Variants in SDK1 observed in about 807,000 individuals in gnomAD.
SDK1 encodes the protein sidekick cell adhesion molecule 1, also known as protein sidekick-1.
Under a neutral mutation model 245.5 loss-of-function variants are expected in SDK1, and 157 were observed. The ratio of observed to expected loss-of-function variants is 0.64; its 90% CI spans 0.56 to 0.73. The LOEUF is 0.73. Among genes scored for constraint, SDK1 ranks in the 30% least tolerant of loss-of-function variants. The pLI is 0.00. For synonymous variants in SDK1, 1,647 were observed against 1,278.5 expected (o/e 1.29, Z -6.15); for missense variants, 3,583 against 3,002.3 (o/e 1.19, Z -4.52).
intron 4 of SDK1, among the ~76,000 whole-genome samples, chr7:3,723,075 T>C (rs1006859877): frequency 6.6e-6 from 1 of 152,256 alleles, no homozygotes; most frequent in African/African-American, 2.4e-5. Context: ...TAATGCCAGA[T>C]AGCATATCTG....
intron 17 of SDK1, among the ~76,000 whole-genome samples, chr7:4,022,190 G>A (rs1786947755): frequency 1.3e-5 from 2 of 152,176 alleles, no homozygotes; most frequent in African/African-American, 4.8e-5. Flanking sequence ...TTATTTGTCG[G>A]CATAATTTGG....
chr7:3,341,830 C>G (rs191065818), intron 1 of SDK1, among the ~76,000 whole-genome samples: 1 of 152,190 alleles, frequency 6.6e-6, no homozygotes, highest in African/African-American at 2.4e-5. Flanking sequence ...GAATATTCAA[C>G]ACGGTAAATG....
At chr7:3,899,165 A>G (rs1050155610) in intron 5 of SDK1, among the ~76,000 whole-genome samples, 1 of 152,306 alleles carries the variant, frequency 6.6e-6, no homozygotes, top group Middle Eastern at 3.4e-3. Flanking sequence ...TGGAAAGCAA[A>G]GTTGTTCACC....
intron 4 of SDK1, among the ~76,000 whole-genome samples, chr7:3,715,220 A>G (rs1170063947): frequency 6.6e-6 from 1 of 152,226 alleles, no homozygotes; most frequent in African/African-American, 2.4e-5. Flanking sequence ...GTACAAATGT[A>G]ATTGTAAATT....
chr7:3,600,553 T>G (rs1025686923), intron 1 of SDK1, among the ~76,000 whole-genome samples: 2 of 119,146 alleles, frequency 1.7e-5, no homozygotes, highest in African/African-American at 6.4e-5. Context: ...TAGATGTAGT[T>G]TTTTTTTTTT....
At chr7:3,661,796 TGGCCTCG>T (rs1783367438) in intron 4 of SDK1, among the ~76,000 whole-genome samples, 1 of 152,130 alleles carries the variant, frequency 6.6e-6, no homozygotes, top group African/African-American at 2.4e-5. Flanking sequence ...AATAGTTGTG[TGGCCTCG>T]GGCAAGCACC....
chr7:3,420,090 C>A (rs998239739), intron 1 of SDK1, among the ~76,000 whole-genome samples: 8 of 152,198 alleles, frequency 5.3e-5, no homozygotes, highest in African/African-American at 1.4e-4. Context: ...GCTTTCCATA[C>A]TTCTGTGCAA....
chr7:4,232,424 T>C (rs1234523448), intron 40 of SDK1, among the ~76,000 whole-genome samples: 1 of 146,962 alleles, frequency 6.8e-6, no homozygotes, highest in Non-Finnish European at 1.5e-5. Context: ...TTTTTTTTTT[T>C]TTTGTTATAA....
chr7:3,487,316 A>G (rs1479156778), intron 1 of SDK1, among the ~76,000 whole-genome samples: 2 of 152,150 alleles, frequency 1.3e-5, no homozygotes, highest in African/African-American at 4.8e-5. Flanking sequence ...TATTTCTGGT[A>G]TTCTCCCTTT....
At position 3,650,123 on chromosome 7, in the gene SDK1, C is replaced by T. The variant is rs115655321; in HGVS notation, c.713+8018C>T. Among the ~76,000 whole-genome samples the T allele has an allele frequency of 1.2e-3, 180 of 152,236 alleles. 1 individual carries two copies. The highest frequency in any genetic ancestry group is 4.1e-3 in the African/African-American group (172 of 41,526). On this transcript the variant is annotated intron_variant, in intron 4 of 44. Coordinates refer to ENST00000404826, the MANE Select transcript of SDK1 (RefSeq NM_152744.4). ...AGACTGCCATGGCATGATCATAGCC[C>T]GCTGCAGTTTCAAGCTCCTGGGCTC...
chr7:3,907,294 TC>T (rs1778984459), intron 5 of SDK1, among the ~76,000 whole-genome samples: 2 of 152,156 alleles, frequency 1.3e-5, no homozygotes, highest in Non-Finnish European at 2.9e-5. Context: ...TATTCCCACC[TC>T]CCCTTTCGCC....
At chr7:3,712,732 G>A (rs185908490) in intron 4 of SDK1, among the ~76,000 whole-genome samples, 21 of 152,318 alleles carry the variant, frequency 1.4e-4, no homozygotes, top group Admixed American at 3.9e-4. Context: ...AGAGAAATGG[G>A]TACAAGAGTA....
chr7:4,235,985 G>A (rs546454881), intron 41 of SDK1, among the ~76,000 whole-genome samples: 30 of 152,380 alleles, frequency 2.0e-4, no homozygotes, highest in East Asian at 7.7e-4. Flanking sequence ...CAGACTTGCC[G>A]CATGGAGTAC....
intron 5 of SDK1, among the ~76,000 whole-genome samples, chr7:3,888,014 G>A (rs2128100994): frequency 6.6e-6 from 1 of 152,262 alleles, no homozygotes; most frequent in East Asian, 1.9e-4. Context: ...TAACAATAAA[G>A]GTGCTTTTCA....
At chr7:3,371,737 T>C (rs775941011) in intron 1 of SDK1, among the ~76,000 whole-genome samples, 1 of 152,140 alleles carries the variant, frequency 6.6e-6, no homozygotes, top group Non-Finnish European at 1.5e-5. Flanking sequence ...GGAGGACAGA[T>C]AATGGATCCT....
chr7:3,508,154 G>A (rs528245609), intron 1 of SDK1, among the ~76,000 whole-genome samples: 148 of 151,684 alleles, frequency 9.8e-4, no homozygotes, highest in Non-Finnish European at 1.7e-3. Flanking sequence ...TTGTAATCTC[G>A]TAATTACCAT....
intron 1 of SDK1, among the ~76,000 whole-genome samples, chr7:3,415,797 T>A (rs546816012): frequency 2.6e-5 from 4 of 152,132 alleles, no homozygotes; most frequent in African/African-American, 9.6e-5. Flanking sequence ...GACTATGTTT[T>A]CTTCACCAAT....
rs188110034 is a variant in SDK1 at position 3,389,742 on chromosome 7, G to A, written c.298+87858G>A. Among the ~76,000 whole-genome samples, 37 of 107,790 alleles carry A rather than the reference G, an allele frequency of 3.4e-4. 2 individuals are homozygous for A. The Middle Eastern group carries it at 0.015, about 43-fold the overall frequency. The allele number at this position is 107,790 out of a possible 152,430, so 70.7% of individuals were successfully genotyped here. A position where few individuals can be genotyped will look rare whatever the true frequency, so the allele number is the denominator to read the frequency against. ...ATCGTGCCACTGCACTCCACAGCCT[G>A]GGCAACAGAAATAAACAAAAACAAA... On this transcript the variant is annotated intron_variant, in intron 1 of 44. Coordinates refer to ENST00000404826, the MANE Select transcript of SDK1 (RefSeq NM_152744.4).
At chr7:3,391,235 A>C (rs2128570201) in intron 1 of SDK1, among the ~76,000 whole-genome samples, 1 of 152,326 alleles carries the variant, frequency 6.6e-6, no homozygotes, top group South Asian at 2.1e-4. Context: ...CCCTGAGCTC[A>C]CCAGCGAAAT....
Sources: allele counts gnomAD v4.1 joint callset (sites outside exome capture counted in the v4.1 genomes callset), GRCh38; gene constraint gnomAD v4.1.1; transcripts MANE v1.5; gene names NCBI Gene and HGNC (gene_info 2026-07-23, HGNC 2026-07-21).